Variants in FOXP1 observed in about 807,000 individuals in gnomAD.
The protein encoded by FOXP1 is forkhead box P1, also known as forkhead box protein P1.
Under a neutral mutation model 98.2 loss-of-function variants are expected in FOXP1, and 15 were observed. The observed-to-expected ratio is 0.15, with a 90% CI of 0.10 to 0.24. The LOEUF is 0.24. Among genes scored for constraint, FOXP1 ranks in the 10% least tolerant of loss-of-function variants. The pLI is 1.00. For missense variants in FOXP1, 633 were observed against 848.5 expected (o/e 0.75, Z 3.15); for synonymous variants, 371 against 314.5 (o/e 1.18, Z -1.90).
intron 4 of FOXP1, among the ~76,000 whole-genome samples, chr3:71,316,582 T>C (rs2075087330): frequency 1.3e-5 from 2 of 151,970 alleles, no homozygotes; most frequent in South Asian, 4.1e-4. Flanking sequence ...CCTCCCCAAA[T>C]TACTTCCCTC....
At chr3:71,289,146 T>C (rs770899262) in intron 5 of FOXP1, among the ~76,000 whole-genome samples, 3 of 152,060 alleles carry the variant, frequency 2.0e-5, no homozygotes, top group Non-Finnish European at 4.4e-5. Context: ...GTTCAAGCAA[T>C]TCTCCTGCCT....
intron 7 of FOXP1, among the ~76,000 whole-genome samples, chr3:71,080,871 G>A (rs1017494559): frequency 6.6e-6 from 1 of 152,130 alleles, no homozygotes; most frequent in Non-Finnish European, 1.5e-5. Flanking sequence ...CCTTCTTCTG[G>A]CTTAGCAAGC....
chr3:71,331,302 C>T (rs1277713079), intron 4 of FOXP1, among the ~76,000 whole-genome samples: 2 of 152,206 alleles, frequency 1.3e-5, no homozygotes, highest in Admixed American at 6.5e-5. Flanking sequence ...TCAATTTCTC[C>T]CTGGGCCTTA....
intron 6 of FOXP1, among the ~76,000 whole-genome samples, chr3:71,197,137 A>G (rs1222375402): frequency 6.6e-6 from 1 of 152,148 alleles, no homozygotes; most frequent in Non-Finnish European, 1.5e-5. Context: ...ATTCCAAGAA[A>G]ATGGTTTGAG....
chr3:71,498,041 C>T (rs1166391644), intron 2 of FOXP1, among the ~76,000 whole-genome samples: 3 of 152,138 alleles, frequency 2.0e-5, no homozygotes, highest in Admixed American at 1.3e-4. Context: ...TTTAAAAATG[C>T]ATGCGTTCTG....
At chr3:70,977,744 A>ATTAATTATCACTTT in intron 15 of FOXP1, 22 bp from the exon 16 acceptor site, 1 of 1,613,166 alleles carries the variant, frequency 6.2e-7, no homozygotes. Flanking sequence ...TCATTGTCCT[A>ATTAATTATCACTTT]TTAATTATCA....
intron 11 of FOXP1, chr3:71,040,273 TTAAA>T (rs1188083268): frequency 6.6e-6 from 1 of 152,168 alleles, no homozygotes; most frequent in Non-Finnish European, 1.5e-5. Context: ...AAATATATAA[TTAAA>T]TGTTTTTTCA....
chr3:71,427,659 A>G (rs918112422), intron 3 of FOXP1, among the ~76,000 whole-genome samples: 1 of 152,254 alleles, frequency 6.6e-6, no homozygotes, highest in Non-Finnish European at 1.5e-5. Context: ...GACCAGAATG[A>G]GAGGAGATGC....
intron 6 of FOXP1, among the ~76,000 whole-genome samples, chr3:71,153,163 C>A (rs752016796): frequency 6.6e-6 from 1 of 152,148 alleles, no homozygotes; most frequent in Non-Finnish European, 1.5e-5. Flanking sequence ...AATTGTGCGG[C>A]ACTTGGTGAA....
chr3:71,344,861 T>C (rs1044182178), intron 4 of FOXP1, among the ~76,000 whole-genome samples: 2 of 151,924 alleles, frequency 1.3e-5, no homozygotes, highest in Admixed American at 1.3e-4. Context: ...ATTTGGATCA[T>C]TTTAGCTCTG....
intron 3 of FOXP1, among the ~76,000 whole-genome samples, chr3:71,401,081 A>T (rs745457643): frequency 2.2e-4 from 33 of 152,144 alleles, no homozygotes; most frequent in Admixed American, 9.8e-4. Context: ...AAACTTTGAC[A>T]TTTAAAATTT....
At chr3:71,043,311 T>G (rs2048597355) in intron 10 of FOXP1, among the ~76,000 whole-genome samples, 2 of 152,212 alleles carry the variant, frequency 1.3e-5, no homozygotes, top group African/African-American at 4.8e-5. Flanking sequence ...CATTTAGTTA[T>G]TAGGCATAGT....
intron 5 of FOXP1, among the ~76,000 whole-genome samples, chr3:71,286,278 G>C (rs2072117676): frequency 6.6e-6 from 1 of 151,990 alleles, no homozygotes; most frequent in Non-Finnish European, 1.5e-5. Flanking sequence ...GAATTAGATG[G>C]GATATCTACC....
At chr3:71,196,027 T>C (rs921665184) in intron 6 of FOXP1, among the ~76,000 whole-genome samples, 3 of 152,196 alleles carry the variant, frequency 2.0e-5, no homozygotes, top group Non-Finnish European at 4.4e-5. Flanking sequence ...TGAACAGCTG[T>C]CAATGTTATA....
intron 17 of FOXP1, among the ~76,000 whole-genome samples, chr3:70,976,328 ATAGGCATGAGCCAC>A (rs2037518967): frequency 6.6e-6 from 1 of 152,194 alleles, no homozygotes; most frequent in Non-Finnish European, 1.5e-5. Context: ...TGCTGGGATT[ATAGGCATGAGCCAC>A]TGTGCCTGGC....
chr3:71,242,384 C>T (rs534952112), intron 5 of FOXP1, among the ~76,000 whole-genome samples: 29 of 152,128 alleles, frequency 1.9e-4, no homozygotes, highest in East Asian at 7.7e-4. Flanking sequence ...TTCTCCTCAT[C>T]GAATCATAGC....
intron 20 of FOXP1, among the ~76,000 whole-genome samples, chr3:70,964,544 G>C (rs1285987067): frequency 6.6e-6 from 1 of 152,124 alleles, no homozygotes; most frequent in Admixed American, 6.5e-5. Flanking sequence ...ATTTACGTTT[G>C]CTCTGAACTT....
At chr3:71,536,654 C>A (rs1375553001) in intron 2 of FOXP1, among the ~76,000 whole-genome samples, 2 of 150,272 alleles carry the variant, frequency 1.3e-5, no homozygotes, top group Non-Finnish European at 2.9e-5. Flanking sequence ...ATAAAATCCT[C>A]GCATATAAAG....
At chr3:71,496,811 A>G (rs1471653479) in intron 2 of FOXP1, among the ~76,000 whole-genome samples, 1 of 152,008 alleles carries the variant, frequency 6.6e-6, no homozygotes, top group East Asian at 1.9e-4. Context: ...GTCTAAAAAA[A>G]CAAAAGAAAC....
Sources: gnomAD v4.1 joint callset for allele counts (sites outside exome capture counted in the v4.1 genomes callset) on GRCh38, gnomAD v4.1.1 for gene constraint, MANE v1.5 for transcripts, NCBI Gene and HGNC (gene_info 2026-07-23, HGNC 2026-07-21) for gene names.